CARNMT1: variants seen among roughly 807,000 people sequenced by gnomAD.
The protein encoded by CARNMT1 is carnosine N-methyltransferase 1, also known as protein-L-histidine N-pros-methyltransferase CARNMT1.
In CARNMT1, 28 loss-of-function variants were observed where a neutral mutation model predicts 49.6. The observed-to-expected ratio is 0.56, with a 90% CI of 0.42 to 0.77. The LOEUF (loss-of-function observed/expected upper bound fraction) is 0.77. Ranked by LOEUF, CARNMT1 falls within the 30% of genes least tolerant of loss-of-function variation. The pLI is 0.00. For missense variants in CARNMT1, 421 were observed against 512.6 expected, an observed-to-expected ratio of 0.82 and a Z score of 1.73; for synonymous variants, 178 against 175.0, an observed-to-expected ratio of 1.02 and a Z score of -0.13.
chr9:75,019,415 G>A (rs779208429), intron 1 of CARNMT1, among the ~76,000 whole-genome samples: 3 of 152,190 alleles, frequency 2.0e-5, no homozygotes, highest in Non-Finnish European at 4.4e-5. Flanking sequence ...TTTCCTAGGG[G>A]AAATATGCAT....
chr9:74,989,193 C>A (rs1381645821), intron 6 of CARNMT1, among the ~76,000 whole-genome samples: 2 of 152,114 alleles, frequency 1.3e-5, no homozygotes, highest in South Asian at 2.1e-4. Context: ...TTCACTGCAG[C>A]CTTGAATTTC....
intron 6 of CARNMT1, 130 bp downstream of exon 6, chr9:74,996,317 G>A (rs547156401): frequency 1.6e-4 from 94 of 586,452 alleles, no homozygotes; most frequent in Non-Finnish European, 1.4e-4. Flanking sequence ...AAAGGAAACT[G>A]TAGTGGTTTT....
rs56068455 is a variant in CARNMT1 at position 74,983,251 on chromosome 9, G to GAAAAAA, written c.*510_*515dup. ...GACAGAGCGGGATCCTGTCTCTGAAGAAAAAAAAAAAAAAAGACATATTTT... is the reference window on the plus strand; with the variant it reads ...GACAGAGCGGGATCCTGTCTCTGAAGAAAAAAAAAAAAAAAAAAAAAGACATATTTT... On this transcript the variant is annotated 3_prime_UTR_variant, in exon 8 of 8. Coordinates refer to ENST00000376834, the MANE Select transcript of CARNMT1 (RefSeq NM_152420.3). 8.3e-6 allele frequency: 1 copy of GAAAAAA among 120,772 alleles called. No individual in the cohort carries two copies. The highest frequency in any genetic ancestry group is 1.7e-5 in the Non-Finnish European group (1 of 57,706). 7.5% of individuals were successfully genotyped at this position (120,772 alleles called of 1,614,324 possible). A position where few individuals can be genotyped will look rare whatever the true frequency, so the allele number is the denominator to read the frequency against.
intron 3 of CARNMT1, among the ~76,000 whole-genome samples, chr9:75,010,905 G>A (rs2118838134): frequency 6.6e-6 from 1 of 152,186 alleles, no homozygotes; most frequent in African/African-American, 2.4e-5. Context: ...GGTGACAGAT[G>A]TACAATACTG....
In CARNMT1 at chr9:75,017,424, G is replaced by C; in HGVS notation, c.255C>G (p.Asn85Lys). 1 of 1,614,000 alleles carries C rather than the reference G, an allele frequency of 6.2e-7. No homozygotes were observed. The highest frequency in any genetic ancestry group is 8.5e-7 in the Non-Finnish European group (1 of 1,179,954). Reference sequence around the variant, plus strand: ...GTGATCGAAACTGTCTTTCTGTTCGGTTCACCCGCTCATGCATACTGGTGC... The same window carrying C: ...GTGATCGAAACTGTCTTTCTGTTCGCTTCACCCGCTCATGCATACTGGTGC... ...YYGTSMHERV[N>K]RTERQFRSLP... The change falls in exon 2 of 8, where the codon AAC (asparagine) becomes AAG (lysine). Residue 85 changes from asparagine (N) to lysine (K), a missense_variant. This residue lies in a region of CARNMT1 where 186 missense variants were observed against 167.9 expected (regional missense o/e 1.11). Transcript: ENST00000376834.
chr9:74,999,909 GA>G, intron 3 of CARNMT1, 39 bp from the exon 4 acceptor site: 11 of 1,537,620 alleles, frequency 7.2e-6, no homozygotes, highest in Admixed American at 2.2e-5. Flanking sequence ...ACCCCTCAAA[GA>G]AAAAAAGGAA....
At chr9:75,028,409 G>A (rs1010256707), upstream of CARNMT1, 19 of 1,290,052 alleles carry the variant, frequency 1.5e-5, no homozygotes, top group African/African-American at 9.4e-5. Flanking sequence ...GGCTCCGCCA[G>A]GTCTTCAGGG....
chr9:74,983,943 G>C, intron 7 of CARNMT1, 75 bp from the exon 8 acceptor site: 2 of 921,934 alleles, frequency 2.2e-6, no homozygotes, highest in Non-Finnish European at 3.2e-6. Flanking sequence ...GAGCACATAT[G>C]TATCAGTGGC....
At position 75,023,015 on chromosome 9, in the gene CARNMT1, G is replaced by A. The variant is rs1212673898; in HGVS notation, c.230+4997C>T. On this transcript the variant is annotated intron_variant, in intron 1 of 7. Transcript: ENST00000376834. ...AAATTAGCCAGGCATGGTGGCATGC[G>A]CCTGTAATCCCAGCTACTTGGGAGG... 2.6e-5 allele frequency among the ~76,000 whole-genome samples: 4 copies of A among 151,942 alleles called. No homozygotes were observed. The East Asian group carries it at 5.8e-4, about 22-fold the overall frequency.
chr9:75,005,695 G>C (rs1268240017), intron 3 of CARNMT1, among the ~76,000 whole-genome samples: 2 of 151,686 alleles, frequency 1.3e-5, no homozygotes, highest in Non-Finnish European at 2.9e-5. Context: ...GGATGATCTC[G>C]ATCTCCTGAT....
chr9:75,009,364 G>A (rs1833616502), intron 3 of CARNMT1, among the ~76,000 whole-genome samples: 2 of 152,076 alleles, frequency 1.3e-5, no homozygotes, highest in Admixed American at 1.3e-4. Context: ...TCCTGACTCA[G>A]GGACTACTGG....
At chr9:75,011,034 TAACA>T (rs2118838637) in intron 3 of CARNMT1, among the ~76,000 whole-genome samples, 1 of 151,880 alleles carries the variant, frequency 6.6e-6, no homozygotes, top group South Asian at 2.1e-4. Context: ...AAAAAACATG[TAACA>T]TGACCCTTTA....
intron 6 of CARNMT1, among the ~76,000 whole-genome samples, chr9:74,987,331 A>T (rs1237364312): frequency 6.6e-6 from 1 of 152,202 alleles, no homozygotes; most frequent in East Asian, 1.9e-4. Flanking sequence ...AAAGATTTAT[A>T]CTCATATTTA....
chr9:74,993,642 C>A (rs1003091377), intron 6 of CARNMT1, among the ~76,000 whole-genome samples: 4 of 152,098 alleles, frequency 2.6e-5, no homozygotes. Flanking sequence ...TCTGCCAACA[C>A]CCTCCACCCC....
intron 6 of CARNMT1, among the ~76,000 whole-genome samples, chr9:74,994,628 G>A (rs1833132351): frequency 6.6e-6 from 1 of 152,088 alleles, no homozygotes; most frequent in African/African-American, 2.4e-5. Flanking sequence ...GAGGAATATG[G>A]AGTCAAAAAT....
intron 1 of CARNMT1, among the ~76,000 whole-genome samples, chr9:75,020,982 G>A (rs548822804): frequency 2.6e-5 from 4 of 152,152 alleles, no homozygotes; most frequent in African/African-American, 9.6e-5. Flanking sequence ...AGATAAGAAT[G>A]AACAATGATG....
intron 3 of CARNMT1, among the ~76,000 whole-genome samples, chr9:75,003,112 T>A (rs1833409375): frequency 6.6e-6 from 1 of 152,162 alleles, no homozygotes; most frequent in Non-Finnish European, 1.5e-5. Context: ...TACCTCTTCA[T>A]CAACTCCCAA....
chr9:74,995,658 T>C (rs1833165608), intron 6 of CARNMT1, among the ~76,000 whole-genome samples: 1 of 152,142 alleles, frequency 6.6e-6, no homozygotes, highest in Non-Finnish European at 1.5e-5. Context: ...GTCACAAAAC[T>C]AGACCCACCC....
intron 5 of CARNMT1, among the ~76,000 whole-genome samples, chr9:74,997,652 A>T (rs140929669): frequency 0.014 from 2,134 of 149,316 alleles, 21 homozygotes; most frequent in Non-Finnish European, 0.023. Flanking sequence ...TTGTCTGTGT[A>T]CTCTTTCAAG....
Sources: gnomAD v4.1 joint callset for allele counts (sites outside exome capture counted in the v4.1 genomes callset) on GRCh38, gnomAD v4.1.1 for gene constraint, gnomAD v4.1.1 regional missense constraint, MANE v1.5 for transcripts, NCBI Gene and HGNC (gene_info 2026-07-23, HGNC 2026-07-21) for gene names.